The following COL6A2 variants were observed in gnomAD, a reference collection of about 807,000 sequenced individuals.
COL6A2 encodes collagen alpha-2(VI) chain.
COL6A2 carries 90 observed loss-of-function variants against 124.9 expected under a neutral mutation model. That is an observed-to-expected ratio of 0.72 (90% CI 0.61 to 0.86). COL6A2 has a LOEUF of 0.86. Ranked by LOEUF, COL6A2 falls within the 40% of genes least tolerant of loss-of-function variation. COL6A2 has a pLI of 0.00. For missense variants in COL6A2, 1,607 were observed against 1,502.5 expected, an observed-to-expected ratio of 1.07 and a Z score of -1.15; for synonymous variants, 793 against 618.2, an observed-to-expected ratio of 1.28 and a Z score of -4.19.
In COL6A2 at chr21:46,122,527, C is replaced by T; in HGVS notation, c.1604C>T (p.Pro535Leu). 1 of 1,612,656 alleles carries T rather than the reference C, an allele frequency of 6.2e-7. No homozygotes were observed. The highest frequency in any genetic ancestry group is 8.5e-7 in the Non-Finnish European group (1 of 1,179,966). ...GEKGEPGPRG[P>L]EGGRGDFGLK... Reference sequence around the variant, plus strand: ...AAAGGCGAGCCCGGCCCACGCGGCCCCGAGGTATGTGTGGGTCCTGGCCAC... The same window carrying T: ...AAAGGCGAGCCCGGCCCACGCGGCCTCGAGGTATGTGTGGGTCCTGGCCAC... The change falls in exon 20 of 28, where the codon CCC becomes CTC. Residue 535 changes from proline to leucine, a missense_variant. Coordinates refer to ENST00000300527, the MANE Select transcript of COL6A2 (RefSeq NM_001849.4).
At position 46,132,650 on chromosome 21, in the gene COL6A2, C is replaced by G. The variant is rs116324633; in HGVS notation, c.*98C>G. The G allele has an allele frequency of 1.6e-6, 2 of 1,231,144 alleles. No individual in the cohort carries two copies. Among genetic ancestry groups the G allele is most frequent in the Non-Finnish European group, 2.3e-6 (2 of 871,468 alleles). 76.3% of individuals were successfully genotyped at this position (1,231,144 alleles called of 1,614,324 possible). ...CACACGGCCAGCACCGCTGCTCACTCGGACGACGCCCTGGGCCTGCACCTC... is the reference window on the plus strand; with the variant it reads ...CACACGGCCAGCACCGCTGCTCACTGGGACGACGCCCTGGGCCTGCACCTC... On this transcript the variant is annotated 3_prime_UTR_variant, in exon 28 of 28. Transcript: ENST00000300527.
At chr21:46,122,356 A>G (rs1166851520) in intron 19 of COL6A2, 140 bp from the exon 20 acceptor site, 8 of 1,315,952 alleles carry the variant, frequency 6.1e-6, no homozygotes, top group African/African-American at 4.3e-5. Context: ...AAAAGAGCAC[A>G]GCTCAGAACG....
Position 46,112,799 on chromosome 21 carries a change from T to C in COL6A2, c.715-5T>C. On this transcript the variant is annotated splice_region_variant and splice_polypyrimidine_tract_variant and intron_variant, in intron 3 of 27. Transcript: ENST00000300527. The stretch of plus-strand genomic sequence containing the variant: ...GGCTAACCAGCATGTCTGTCTTTTC[T>C]GCAGAAACACGAAGCCTACGGAGAG... The C allele has an allele frequency of 6.2e-7, 1 of 1,613,864 alleles. No homozygotes were observed. The highest frequency in any genetic ancestry group is 8.5e-7 in the Non-Finnish European group (1 of 1,180,014).
intron 10 of COL6A2, 76 bp from the exon 11 acceptor site, chr21:46,117,324 G>T: frequency 6.9e-7 from 1 of 1,441,230 alleles, no homozygotes; most frequent in Non-Finnish European, 9.6e-7. Context: ...GAACCGGGTG[G>T]GCTGTGTCTT....
chr21:46,126,476 T>TGGCCCGGCCCGGCCCGGCCCGGCCC (rs138363207), intron 26 of COL6A2, 27 bp from the exon 27 acceptor site: 34 of 1,611,424 alleles, frequency 2.1e-5, no homozygotes, highest in South Asian at 9.9e-5. Context: ...GACCCTGGCC[T>TGGCCCGGCCCGGCCCGGCCCGGCCC]GGCCCGGCCT....
intron 13 of COL6A2, 138 bp from the exon 14 acceptor site, chr21:46,118,892 A>G: frequency 3.2e-6 from 3 of 925,342 alleles, no homozygotes; most frequent in Non-Finnish European, 5.2e-6. Flanking sequence ...GTTCCAGGGG[A>G]CCCTGCAGGG....
chr21:46,111,430 G>A lies in COL6A2; in HGVS notation c.-27-20G>A, dbSNP rs773984004. ...GGAGAGGCACTGGGGGTGTCTGAGCGACCCCCACCCCTGTTGCAGGACTTC... is the reference window on the plus strand; with the variant it reads ...GGAGAGGCACTGGGGGTGTCTGAGCAACCCCCACCCCTGTTGCAGGACTTC... On this transcript the variant is annotated intron_variant, in intron 1 of 27. Transcript: ENST00000300527. 13 of 1,467,664 alleles carry A rather than the reference G, an allele frequency of 8.9e-6. No individual in the cohort carries two copies. Among genetic ancestry groups the A allele is most frequent in the Admixed American group, 5.1e-5 (3 of 58,542 alleles). 90.9% of individuals were successfully genotyped at this position (1,467,664 alleles called of 1,614,324 possible). A position where few individuals can be genotyped will look rare whatever the true frequency, so the allele number is the denominator to read the frequency against.
intron 1 of COL6A2, among the ~76,000 whole-genome samples, chr21:46,098,636 G>A (rs1045768478): frequency 6.6e-6 from 1 of 151,858 alleles, no homozygotes; most frequent in Non-Finnish European, 1.5e-5. Context: ...CCCCGGGCCG[G>A]ACGGAAGGGG....
chr21:46,111,933 G>A, intron 2 of COL6A2, 46 bp from the exon 3 acceptor site: 2 of 1,579,184 alleles, frequency 1.3e-6, no homozygotes, highest in Non-Finnish European at 1.7e-6. Flanking sequence ...GGCTCCAACA[G>A]CAGTCCCTCC....
intron 27 of COL6A2, 86 bp downstream of exon 27, chr21:46,126,627 G>A: frequency 6.5e-7 from 1 of 1,538,552 alleles, no homozygotes; most frequent in Non-Finnish European, 8.9e-7. Context: ...CTGGGGGAGG[G>A]GCCGTGCAGG....
intron 23 of COL6A2, 126 bp from the exon 24 acceptor site, chr21:46,125,140 C>T: frequency 9.2e-7 from 1 of 1,088,760 alleles, no homozygotes; most frequent in South Asian, 1.3e-5. Context: ...CAGGACCCGC[C>T]AGCCTCCCCG....
At chr21:46,122,823 C>G in intron 20 of COL6A2, 52 bp from the exon 21 acceptor site, 1 of 1,527,418 alleles carries the variant, frequency 6.5e-7, no homozygotes, top group Non-Finnish European at 9.1e-7. Context: ...CACTGGTGTC[C>G]CTGGTAGAGA....
In COL6A2 at chr21:46,132,219, A is replaced by G. The variant is rs771304542; in HGVS notation, c.2727A>G (p.Gln909=). 4 of 1,594,770 alleles carry G rather than the reference A, an allele frequency of 2.5e-6. No individual in the cohort carries two copies. In the East Asian group the frequency reaches 6.9e-5, roughly 27 times the overall value. The change falls in exon 28 of 28, where the codon CAA becomes CAG. Residue 909 remains glutamine, a synonymous_variant. Coordinates refer to ENST00000300527, the MANE Select transcript of COL6A2 (RefSeq NM_001849.4). ...TAIHEALETT[Q]YLNSFSHVGA... ...TCCACGAGGCGCTGGAGACCACACAATACCTGAACTCCTTCTCGCACGTGG... is the reference window on the plus strand; with the variant it reads ...TCCACGAGGCGCTGGAGACCACACAGTACCTGAACTCCTTCTCGCACGTGG...
intron 10 of COL6A2, among the ~76,000 whole-genome samples, chr21:46,117,057 G>A (rs146456812): frequency 2.3e-4 from 35 of 152,268 alleles, no homozygotes; most frequent in African/African-American, 7.2e-4. Flanking sequence ...CTCCACAGCT[G>A]CACACAGAGG....
chr21:46,128,690 C>T (rs898762935), intron 27 of COL6A2, among the ~76,000 whole-genome samples: 12 of 152,334 alleles, frequency 7.9e-5, no homozygotes, highest in African/African-American at 2.4e-4. Context: ...GAGCTCCAGT[C>T]GGTGGAAAGA....
intron 1 of COL6A2, among the ~76,000 whole-genome samples, chr21:46,101,428 CTGATT>C (rs1462610040): frequency 1.3e-5 from 2 of 152,068 alleles, no homozygotes; most frequent in African/African-American, 2.4e-5. Context: ...TTGGTGTAAT[CTGATT>C]TATCTATTTT....
chr21:46,117,916 CG>C lies in COL6A2; in HGVS notation c.1097del (p.Arg366GlnfsTer42), dbSNP rs2078500548. ...YPGEAGSPGE[R>X]GDQGGKGDPG... ...GGGGGAAGCAGGGAGTCCAGGGGAG[CG>C]AGGAGACCAAGGCGGCAAGGTAAGT... On this transcript the variant is annotated frameshift_variant, in exon 12 of 28. Coordinates refer to ENST00000300527, the MANE Select transcript of COL6A2 (RefSeq NM_001849.4). LOFTEE classifies it high-confidence loss of function. 6.2e-7 allele frequency: 1 copy of C among 1,612,718 alleles called. No individual in the cohort carries two copies. The highest frequency in any genetic ancestry group is 8.5e-7 in the Non-Finnish European group (1 of 1,179,798).
chr21:46,122,373 A>G, intron 19 of COL6A2, 123 bp from the exon 20 acceptor site: 2 of 1,383,888 alleles, frequency 1.4e-6, no homozygotes, highest in Non-Finnish European at 2.1e-6. Context: ...AACGCAGCAC[A>G]GTGGCCTCAC....
rs776631856 is a variant in COL6A2, at chr21:46,112,527, G to A, written c.664G>A (p.Asp222Asn). ...YRNDYATMLP[D>N]STEIDQDTIN... is the part of the protein sequence containing the mutation. ...CAACGACTACGCCACCATGCTGCCC[G>A]ACTCCACCGAGATCGACCAGGACAC... The change falls in exon 3 of 28, where the codon GAC (aspartate) becomes AAC (asparagine). Residue 222 changes from aspartate (D) to asparagine (N), a missense_variant. Transcript: ENST00000300527. The A allele has an allele frequency of 8.7e-6, 14 of 1,611,780 alleles. No homozygotes were observed. The highest frequency in any genetic ancestry group is 2.2e-5 in the East Asian group (1 of 44,838).
Sources: gnomAD v4.1 joint callset for allele counts (sites outside exome capture counted in the v4.1 genomes callset) on GRCh38, gnomAD v4.1.1 for gene constraint, MANE v1.5 for transcripts, NCBI Gene and HGNC (gene_info 2026-07-23, HGNC 2026-07-21) for gene names.